The following MTMR6 variants were observed in gnomAD, a reference collection of about 807,000 sequenced individuals.
MTMR6 encodes phosphatidylinositol-3,5-bisphosphate 3-phosphatase MTMR6.
MTMR6 carries 47 observed loss-of-function variants against 80.1 expected under a neutral mutation model. The ratio of observed to expected loss-of-function variants is 0.59; its 90% confidence interval spans 0.46 to 0.75. MTMR6 has a LOEUF of 0.75. Ranked by LOEUF, MTMR6 falls within the 30% of genes least tolerant of loss-of-function variation. MTMR6 has a pLI of 0.00. For synonymous variants in MTMR6, 254 were observed against 253.0 expected (o/e 1.00, Z -0.04); for missense variants, 629 against 730.9 (o/e 0.86, Z 1.61).
chr13:25,249,742 G>A (rs571616321), intron 13 of MTMR6, among the ~76,000 whole-genome samples: 1 of 152,094 alleles, frequency 6.6e-6, no homozygotes, highest in African/African-American at 2.4e-5. Context: ...GACTGCAGGC[G>A]ATCACTAGGC....
At chr13:25,257,615 T>C in intron 8 of MTMR6, 121 bp downstream of exon 8, 1 of 727,614 alleles carries the variant, frequency 1.4e-6, no homozygotes, top group Non-Finnish European at 2.2e-6. Context: ...GTGAAGCTCA[T>C]TAAAGAGGTA....
chr13:25,268,144 T>G (rs1366773471), intron 2 of MTMR6, among the ~76,000 whole-genome samples: 1 of 152,170 alleles, frequency 6.6e-6, no homozygotes, highest in Non-Finnish European at 1.5e-5. Context: ...GTCCACATAC[T>G]CAAGACATTA....
intron 2 of MTMR6, among the ~76,000 whole-genome samples, chr13:25,272,447 CT>C (rs540048928): frequency 1.8e-4 from 27 of 149,294 alleles, no homozygotes; most frequent in African/African-American, 2.9e-4. Context: ...TTGAATAATA[CT>C]TTTTTTTTTA....
intron 5 of MTMR6, among the ~76,000 whole-genome samples, chr13:25,265,543 A>G (rs1398906574): frequency 6.6e-6 from 1 of 152,078 alleles, no homozygotes; most frequent in Non-Finnish European, 1.5e-5. Context: ...GGAGTTCAAG[A>G]CCAGCCTGGT....
chr13:25,254,066 T>TA (rs1283139814), intron 10 of MTMR6, 102 bp from the exon 11 acceptor site: 12 of 1,189,524 alleles, frequency 1.0e-5, no homozygotes, highest in Non-Finnish European at 1.4e-5. Flanking sequence ...AAAGCACTGT[T>TA]ACATTAGCAT....
chr13:25,273,525 ATTTT>A (rs61701580), intron 2 of MTMR6, among the ~76,000 whole-genome samples: 3 of 137,604 alleles, frequency 2.2e-5, no homozygotes, highest in African/African-American at 8.0e-5. Context: ...GAACAATAGG[ATTTT>A]TTTTTTTTTT....
chr13:25,272,895 T>C (rs1957612858), intron 2 of MTMR6, among the ~76,000 whole-genome samples: 1 of 152,130 alleles, frequency 6.6e-6, no homozygotes, highest in Non-Finnish European at 1.5e-5. Context: ...GCAACAAACA[T>C]GCAAATGCCC....
At chr13:25,264,646 T>C (rs1025637655) in intron 5 of MTMR6, among the ~76,000 whole-genome samples, 2 of 149,134 alleles carry the variant, frequency 1.3e-5, no homozygotes, top group African/African-American at 5.0e-5. Context: ...TCCCAGCTAC[T>C]CAGGAGGCTG....
At chr13:25,271,224 G>A (rs1443727334) in intron 2 of MTMR6, among the ~76,000 whole-genome samples, 1 of 152,090 alleles carries the variant, frequency 6.6e-6, no homozygotes, top group Non-Finnish European at 1.5e-5. Context: ...ACAATCAGAT[G>A]TTAGGGAAAG....
chr13:25,262,390 C>T (rs1001361487), intron 5 of MTMR6, among the ~76,000 whole-genome samples: 13 of 152,276 alleles, frequency 8.5e-5, no homozygotes, highest in African/African-American at 3.1e-4. Flanking sequence ...GTTTTTGAGA[C>T]AAGGTCTTGC....
chr13:25,287,152 G>A, intron 1 of MTMR6, 72 bp downstream of exon 1: 3 of 1,543,098 alleles, frequency 1.9e-6, no homozygotes, highest in Non-Finnish European at 2.6e-6. Context: ...GGCCAGCAGA[G>A]CCTTCGTCTC....
At chr13:25,275,253 C>T (rs141614984) in intron 1 of MTMR6, among the ~76,000 whole-genome samples, 165 of 151,902 alleles carry the variant, frequency 1.1e-3, no homozygotes, top group African/African-American at 3.9e-3. Context: ...ATGATGAGAC[C>T]TCTACTAAAA....
chr13:25,260,571 C>T (rs1957311627), intron 6 of MTMR6: 1 of 1,269,488 alleles, frequency 7.9e-7, no homozygotes, highest in Admixed American at 2.4e-5. Context: ...CTATATTGCT[C>T]ACTCGCTTTT....
chr13:25,277,434 C>T (rs1311722121), intron 1 of MTMR6, among the ~76,000 whole-genome samples: 15 of 152,206 alleles, frequency 9.9e-5, no homozygotes, highest in African/African-American at 3.6e-4. Context: ...GAGTGTCTGA[C>T]ACAATAAATG....
At chr13:25,266,859 C>T (rs1007664305) in intron 3 of MTMR6, among the ~76,000 whole-genome samples, 5 of 152,228 alleles carry the variant, frequency 3.3e-5, no homozygotes, top group Non-Finnish European at 7.3e-5. Flanking sequence ...TGAGACCACT[C>T]TTGCAGGCAG....
At chr13:25,268,069 C>T (rs1474377433) in intron 2 of MTMR6, 128 bp from the exon 3 acceptor site, 4 of 873,614 alleles carry the variant, frequency 4.6e-6, no homozygotes, top group East Asian at 2.8e-5. Context: ...TCAAACTTCA[C>T]GTTTTTAAAA....
Position 25,287,393 on chromosome 13 carries a change from G to A in MTMR6, c.-146C>T. ...GTCTGCCGGCCCCGGTGGCGTCAAC[G>A]GCGCAGGTGCAGCCGGTGAGCGCCG... is the stretch of plus-strand genomic sequence containing the variant. On this transcript the variant is annotated 5_prime_UTR_variant, in exon 1 of 14. Transcript: ENST00000381801. 9.2e-7 allele frequency: 1 copy of A among 1,082,558 alleles called. No homozygotes were observed. Among genetic ancestry groups the A allele is most frequent in the Admixed American group, 2.0e-5 (1 of 48,912 alleles). The allele number at this position is 1,082,558 out of a possible 1,614,324, so 67.1% of individuals were successfully genotyped here. A position where few individuals can be genotyped will look rare whatever the true frequency, so the allele number is the denominator to read the frequency against.
At chr13:25,281,749 T>A (rs1419114082) in intron 1 of MTMR6, among the ~76,000 whole-genome samples, 1 of 152,162 alleles carries the variant, frequency 6.6e-6, no homozygotes, top group African/African-American at 2.4e-5. Context: ...CTGCCAAGAA[T>A]TAGCTTTCAA....
chr13:25,279,267 G>A lies in MTMR6; in HGVS notation c.25-5080C>T, dbSNP rs529067233. 4.6e-5 allele frequency among the ~76,000 whole-genome samples: 7 copies of A among 152,204 alleles called. No individual in the cohort carries two copies. The South Asian group carries it at 1.5e-3, about 32-fold the overall frequency. ...CCATGCTGTTCTCTCTTCACAGTGA[G>A]TCCTCATGAGTTCTAATGGTTTTAA... On this transcript the variant is annotated intron_variant, in intron 1 of 13. Transcript: ENST00000381801.
Sources: allele counts gnomAD v4.1 joint callset (sites outside exome capture counted in the v4.1 genomes callset), GRCh38; gene constraint gnomAD v4.1.1; transcripts MANE v1.5; gene names NCBI Gene and HGNC (gene_info 2026-07-23, HGNC 2026-07-21).